The following CYP4X1 variants were observed in gnomAD, a reference collection of about 807,000 sequenced individuals.
CYP4X1 encodes cytochrome P450 family 4 subfamily X member 1, also known as cytochrome P450 4X1.
A neutral mutation model predicts 57.9 loss-of-function variants in CYP4X1; 44 were observed. That is an observed-to-expected ratio of 0.76 (90% CI 0.60 to 0.98). The LOEUF (loss-of-function observed/expected upper bound fraction) is 0.98. Ranked by LOEUF, CYP4X1 falls within the 50% of genes least tolerant of loss-of-function variation. The probability of loss-of-function intolerance (pLI) is 0.00; values close to 1 mark genes in which losing one functional copy is unlikely to be tolerated. For missense variants in CYP4X1, 532 were observed against 623.9 expected (o/e 0.85, Z 1.57); for synonymous variants, 227 against 228.6 (o/e 0.99, Z 0.06).
At chr1:46,996,608 A>G in the CYP4X1 span, among the ~76,000 whole-genome samples, 5 of 152,368 alleles carry the variant, frequency 3.3e-5, no homozygotes, top group East Asian at 9.6e-4. Context: ...ATAGAACTGT[A>G]TGTAGAGTAT....
chr1:47,007,768 C>G, the CYP4X1 span, among the ~76,000 whole-genome samples: 2 of 152,160 alleles, frequency 1.3e-5, no homozygotes, highest in African/African-American at 4.8e-5. Flanking sequence ...GGCACGAGAA[C>G]TACGTGATGA....
chr1:46,992,745 A>G, the CYP4X1 span, among the ~76,000 whole-genome samples: 1 of 152,236 alleles, frequency 6.6e-6, no homozygotes, highest in African/African-American at 2.4e-5. Flanking sequence ...CCTGTTTTCA[A>G]TTCTTTTGGT....
the CYP4X1 span, among the ~76,000 whole-genome samples, chr1:46,966,289 C>G: frequency 6.6e-6 from 1 of 152,150 alleles, no homozygotes; most frequent in Non-Finnish European, 1.5e-5. Flanking sequence ...GATTTTCTGC[C>G]TTGCCAAGGA....
At chr1:47,039,256 T>C in intron 7 of CYP4X1, 86 bp from the exon 8 acceptor site, 1 of 1,263,706 alleles carries the variant, frequency 7.9e-7, no homozygotes, top group Non-Finnish European at 1.1e-6. Flanking sequence ...AGCTCTGATT[T>C]TTCCCCTCAA....
chr1:46,990,689 G>T, the CYP4X1 span, among the ~76,000 whole-genome samples: 4 of 152,242 alleles, frequency 2.6e-5, no homozygotes, highest in African/African-American at 9.6e-5. Flanking sequence ...AGAAGATGTG[G>T]CACATATATA....
chr1:47,009,127 A>C, the CYP4X1 span, among the ~76,000 whole-genome samples: 17 of 152,208 alleles, frequency 1.1e-4, no homozygotes, highest in Non-Finnish European at 2.4e-4. Context: ...TCTTTTCAGC[A>C]CCACACCACA....
At chr1:46,978,899 C>T in the CYP4X1 span, among the ~76,000 whole-genome samples, 2 of 152,222 alleles carry the variant, frequency 1.3e-5, no homozygotes, top group South Asian at 4.1e-4. Flanking sequence ...GAAATGAAGG[C>T]AGAAATAAAG....
Position 47,045,340 on chromosome 1 carries a change from T to G in CYP4X1, c.1074-1127T>G, listed in dbSNP as rs922632701. 3.9e-5 allele frequency among the ~76,000 whole-genome samples: 6 copies of G among 152,330 alleles called. No homozygotes were observed. In the South Asian group the frequency reaches 1.2e-3, roughly 32 times the overall value. ...GTAGGATGCAAATTTAAAAAAAACT[T>G]TATTCTTCTTCCACTTATAAACTTT... On this transcript the variant is annotated intron_variant, in intron 8 of 11. Coordinates refer to ENST00000371901, the MANE Select transcript of CYP4X1 (RefSeq NM_178033.2).
At chr1:46,981,077 G>C in the CYP4X1 span, among the ~76,000 whole-genome samples, 1 of 152,106 alleles carries the variant, frequency 6.6e-6, no homozygotes, top group African/African-American at 2.4e-5. Context: ...CACGGGTAAG[G>C]ACTTCATGAC....
chr1:47,049,962 T>C (rs373006770), intron 11 of CYP4X1, 38 bp from the exon 12 acceptor site: 103 of 1,597,478 alleles, frequency 6.4e-5, no homozygotes, highest in African/African-American at 1.3e-5. Context: ...AGAAACATCA[T>C]TTTTTCAAGT....
intron 1 of CYP4X1, among the ~76,000 whole-genome samples, chr1:47,028,259 A>T (rs1201604778): frequency 1.3e-5 from 2 of 152,184 alleles, no homozygotes; most frequent in Non-Finnish European, 2.9e-5. Flanking sequence ...CTTGGGCTCC[A>T]GAGTTAAACT....
intron 7 of CYP4X1, 87 bp downstream of exon 7, chr1:47,038,853 GA>G (rs774240879): frequency 1.3e-4 from 127 of 960,850 alleles, no homozygotes; most frequent in Non-Finnish European, 1.9e-4. Context: ...GGGGAGACAA[GA>G]ATAAAACCGA....
upstream of CYP4X1, among the ~76,000 whole-genome samples, chr1:47,022,643 T>A (rs1644011176): frequency 6.6e-6 from 1 of 151,626 alleles, no homozygotes; most frequent in South Asian, 2.1e-4. Context: ...CTCCAGAGAG[T>A]GGAGCGTAGG....
chr1:47,002,527 T>C, the CYP4X1 span, among the ~76,000 whole-genome samples: 1 of 152,170 alleles, frequency 6.6e-6, no homozygotes, highest in South Asian at 2.1e-4. Flanking sequence ...GAAATTGGAG[T>C]CATCATTAGG....
chr1:47,033,960 C>G (rs1644151469), intron 4 of CYP4X1, among the ~76,000 whole-genome samples: 1 of 152,206 alleles, frequency 6.6e-6, no homozygotes, highest in South Asian at 2.1e-4. Flanking sequence ...AATAGATAAA[C>G]TGGAAATCTC....
At chr1:47,031,376 G>T in intron 2 of CYP4X1, 60 bp from the exon 3 acceptor site, 1 of 1,590,126 alleles carries the variant, frequency 6.3e-7, no homozygotes, top group East Asian at 2.2e-5. Context: ...TCACCAACTT[G>T]AACTGATAAT....
intron 6 of CYP4X1, among the ~76,000 whole-genome samples, chr1:47,038,026 CTATCTACCAAT>C (rs1387761229): frequency 2.0e-5 from 3 of 152,126 alleles, no homozygotes; most frequent in Non-Finnish European, 4.4e-5. Context: ...TTCCATTGAT[CTATCTACCAAT>C]GTACCAGAAT....
chr1:47,024,832 T>G (rs763532903), intron 1 of CYP4X1, among the ~76,000 whole-genome samples: 24 of 152,178 alleles, frequency 1.6e-4, no homozygotes, highest in Admixed American at 2.6e-4. Flanking sequence ...GGTTGGGTGG[T>G]GTGGGGAAGG....
At chr1:47,042,885 C>T (rs11211423) in intron 8 of CYP4X1, among the ~76,000 whole-genome samples, 63,933 of 151,990 alleles carry the variant, frequency 0.42, 14,823 homozygotes, top group East Asian at 0.97. Flanking sequence ...GGTTCCATGT[C>T]TTTACAATTG....
Sources: gnomAD v4.1 joint callset for allele counts (sites outside exome capture counted in the v4.1 genomes callset) on GRCh38, gnomAD v4.1.1 for gene constraint, MANE v1.5 for transcripts, NCBI Gene and HGNC (gene_info 2026-07-23, HGNC 2026-07-21) for gene names.